The following SLC28A2 variants were observed in gnomAD, a reference collection of about 807,000 sequenced individuals.
The protein encoded by SLC28A2 is solute carrier family 28 member 2, also known as sodium/nucleoside cotransporter 2.
SLC28A2 carries 69 observed loss-of-function variants against 72.9 expected under a neutral mutation model. That is an observed-to-expected ratio of 0.95 (90% confidence interval 0.78 to 1.16). The LOEUF is 1.16. Ranked by LOEUF, SLC28A2 falls within the 50% of genes most tolerant of loss-of-function variation. The probability of loss-of-function intolerance (pLI) is 0.00; values close to 1 mark genes in which losing one functional copy is unlikely to be tolerated. For missense variants in SLC28A2, 745 were observed against 791.1 expected, an observed-to-expected ratio of 0.94 and a Z score of 0.70; for synonymous variants, 296 against 294.1, an observed-to-expected ratio of 1.01 and a Z score of -0.07.
At chr15:45,258,067 T>C (rs926270568) in intron 3 of SLC28A2, among the ~76,000 whole-genome samples, 3 of 151,934 alleles carry the variant, frequency 2.0e-5, no homozygotes, top group Non-Finnish European at 4.4e-5. Context: ...CTACTAAAAA[T>C]ACAAAAATAT....
At chr15:45,267,363 T>C (rs1018515724) in intron 10 of SLC28A2, 92 bp from the exon 11 acceptor site, 104 of 1,367,254 alleles carry the variant, frequency 7.6e-5, no homozygotes, top group Non-Finnish European at 1.0e-4. Flanking sequence ...TGGATGTGTA[T>C]CTAGTGGGTC....
intron 6 of SLC28A2, 50 bp from the exon 7 acceptor site, chr15:45,264,605 G>A: frequency 8.0e-7 from 1 of 1,245,928 alleles, no homozygotes; most frequent in Non-Finnish European, 1.2e-6. Context: ...CTCCAACCAG[G>A]TAATGGACTA....
At chr15:45,256,645 G>A (rs1321698175) in intron 3 of SLC28A2, among the ~76,000 whole-genome samples, 3 of 151,512 alleles carry the variant, frequency 2.0e-5, no homozygotes, top group African/African-American at 7.3e-5. Flanking sequence ...CTGACCTCAG[G>A]TGATCTGCCC....
At chr15:45,253,585 G>C in intron 3 of SLC28A2, 65 bp downstream of exon 3, 2 of 1,003,912 alleles carry the variant, frequency 2.0e-6, no homozygotes, top group Non-Finnish European at 3.1e-6. Context: ...CCTTCAGGCA[G>C]CTTGTGGTAT....
At chr15:45,263,444 G>A (rs940126322) in intron 5 of SLC28A2, among the ~76,000 whole-genome samples, 200 bp downstream of exon 5, 4 of 152,114 alleles carry the variant, frequency 2.6e-5, no homozygotes, top group African/African-American at 9.7e-5. Flanking sequence ...CATTGCTGGG[G>A]GGCAGGAGGA....
Position 45,277,122 on chromosome 15 carries a change from T to C in SLC28A2, c.*1609T>C, listed in dbSNP as rs1461798874. The C allele has an allele frequency of 2.0e-5, 3 of 151,814 alleles. No homozygotes were observed. Among genetic ancestry groups the C allele is most frequent in the Non-Finnish European group, 4.4e-5 (3 of 67,990 alleles). 9.4% of individuals were successfully genotyped at this position (151,814 alleles called of 1,614,324 possible). A position where few individuals can be genotyped will look rare whatever the true frequency, so the allele number is the denominator to read the frequency against. ...AAAATTCCTATAACCAAAGGTCAGC[T>C]CTCCCACAACGAAGAATTACCTGGT... On this transcript the variant is annotated 3_prime_UTR_variant, in exon 18 of 18. Coordinates refer to ENST00000347644, the MANE Select transcript of SLC28A2 (RefSeq NM_004212.4).
At chr15:45,260,462 T>A (rs762684766) in intron 3 of SLC28A2, among the ~76,000 whole-genome samples, 10 of 152,204 alleles carry the variant, frequency 6.6e-5, no homozygotes, top group Non-Finnish European at 1.5e-4. Context: ...GTTCCAAAGA[T>A]AATGATGTCC....
At chr15:45,265,285 G>A (rs1185340184) in intron 8 of SLC28A2, 119 bp downstream of exon 8, 3 of 767,970 alleles carry the variant, frequency 3.9e-6, no homozygotes, top group African/African-American at 1.7e-5. Flanking sequence ...ACCCTAACAA[G>A]AGGGTTTAAC....
Position 45,264,722 on chromosome 15 carries a change from C to T in SLC28A2, c.656C>T (p.Thr219Ile), listed in dbSNP as rs1595676660. The change falls in exon 7 of 18, where the codon ACT becomes ATT. Residue 219 changes from threonine (T) to isoleucine (I), a missense_variant. Physicochemically the swap from Thr to Ile is moderately conservative, Grantham distance 89 (BLOSUM62 -1). Transcript: ENST00000347644. The part of the protein sequence containing the change: ...QFVFGILVIR[T>I]DLGYTVFQWL... Reference sequence around the variant, plus strand: ...GTCTTTGGGATCTTGGTCATCAGAACTGATCTTGGATATACTGTATTTCAG... The same window carrying T: ...GTCTTTGGGATCTTGGTCATCAGAATTGATCTTGGATATACTGTATTTCAG... 1.2e-6 allele frequency: 2 copies of T among 1,613,916 alleles called. No individual in the cohort carries two copies. Among genetic ancestry groups the T allele is most frequent in the Non-Finnish European group, 1.7e-6 (2 of 1,179,812 alleles).
intron 17 of SLC28A2, among the ~76,000 whole-genome samples, chr15:45,274,170 G>A (rs1177101262): frequency 2.6e-5 from 4 of 152,056 alleles, no homozygotes; most frequent in African/African-American, 4.8e-5. Context: ...ACCTCAGGTC[G>A]GGCTTCAAGA....
At chr15:45,257,400 T>C (rs557528914) in intron 3 of SLC28A2, among the ~76,000 whole-genome samples, 87 of 152,220 alleles carry the variant, frequency 5.7e-4, no homozygotes, top group Non-Finnish European at 1.2e-3. Context: ...GTAAATACAT[T>C]GAGGGCAAGA....
rs765394570 is a variant in SLC28A2, at chr15:45,264,068, G to A, written c.588+46G>A. 1.9e-6 allele frequency: 3 copies of A among 1,558,044 alleles called. No homozygotes were observed. The Admixed American group carries it at 5.4e-5, about 28-fold the overall frequency. On this transcript the variant is annotated intron_variant, in intron 6 of 17. Coordinates refer to ENST00000347644, the MANE Select transcript of SLC28A2 (RefSeq NM_004212.4). ...TTGGGTATAGCAACACATGGCCAAG[G>A]GCCAAGTGCTAATCATAAAGCGTAT...
Position 45,268,320 on chromosome 15 carries a change from T to C in SLC28A2, c.1310T>C (p.Ile437Thr). 1 of 1,611,896 alleles carries C rather than the reference T, an allele frequency of 6.2e-7. No individual in the cohort carries two copies. Among genetic ancestry groups the C allele is most frequent in the Non-Finnish European group, 8.5e-7 (1 of 1,178,144 alleles). Residue 437 changes from isoleucine to threonine, a missense_variant, in exon 13 of 18, where the codon ATC (isoleucine) becomes ACC (threonine). Ile to Thr is a moderately conservative substitution (Grantham distance 89). Transcript: ENST00000347644. ...LIAFLAVLAF[I>T]NAALSWLGEL... ...GCCTTTTTGGCTGTGTTGGCCTTCA[T>C]CAATGCTGCCCTCTCCTGGCTGGGG...
chr15:45,275,344 T>C, intron 17 of SLC28A2, 52 bp from the exon 18 acceptor site: 1 of 1,046,938 alleles, frequency 9.6e-7, no homozygotes, highest in South Asian at 1.3e-5. Context: ...ATATGTTTTG[T>C]TGCTTTGTTC....
At chr15:45,263,831 T>C (rs766807454) in intron 5 of SLC28A2, 50 bp from the exon 6 acceptor site, 18 of 1,559,330 alleles carry the variant, frequency 1.2e-5, no homozygotes, top group Non-Finnish European at 1.4e-5. Context: ...GTAAGTTATT[T>C]GTTTTTCATT....
At chr15:45,263,767 A>G (rs1408391950) in intron 5 of SLC28A2, 114 bp from the exon 6 acceptor site, 14 of 991,980 alleles carry the variant, frequency 1.4e-5, no homozygotes, top group Admixed American at 2.6e-5. Flanking sequence ...ACAATGGCAC[A>G]TGCATGGCCT....
At chr15:45,270,798 A>AT (rs777608288) in intron 15 of SLC28A2, among the ~76,000 whole-genome samples, 42 of 150,976 alleles carry the variant, frequency 2.8e-4, no homozygotes, top group Non-Finnish European at 5.0e-4. Flanking sequence ...TATTATTATT[A>AT]TTATTTTTTT....
chr15:45,269,272 G>A, intron 13 of SLC28A2, 66 bp from the exon 14 acceptor site: 2 of 1,338,650 alleles, frequency 1.5e-6, no homozygotes, highest in Non-Finnish European at 1.1e-6. Flanking sequence ...TCCAGAGAAG[G>A]TCCTTGGCAC....
chr15:45,267,818 C>T (rs1365894755), intron 12 of SLC28A2, 22 bp downstream of exon 12: 1 of 1,613,162 alleles, frequency 6.2e-7, no homozygotes, highest in African/African-American at 1.3e-5. Context: ...GAGGCATATA[C>T]TTTGGGAGAT....
Sources: allele counts gnomAD v4.1 joint callset (sites outside exome capture counted in the v4.1 genomes callset), GRCh38; gene constraint gnomAD v4.1.1; transcripts MANE v1.5; gene names NCBI Gene and HGNC (gene_info 2026-07-23, HGNC 2026-07-21).